The following HEATR6 variants were observed in gnomAD, a reference collection of about 807,000 sequenced individuals.
HEATR6 encodes the protein HEAT repeat-containing protein 6.
In HEATR6, 106 loss-of-function variants were observed where a neutral mutation model predicts 132.8. The ratio of observed to expected loss-of-function variants is 0.80; its 90% CI spans 0.68 to 0.94. HEATR6 has a LOEUF of 0.94. Among genes scored for constraint, HEATR6 ranks in the 40% least tolerant of loss-of-function variants. The pLI is 0.00. For missense variants in HEATR6, 1,339 were observed against 1,425.1 expected, an observed-to-expected ratio of 0.94 and a Z score of 0.97; for synonymous variants, 529 against 537.8, an observed-to-expected ratio of 0.98 and a Z score of 0.23.
chr17:60,062,663 C>T (rs1230395860), intron 9 of HEATR6, among the ~76,000 whole-genome samples: 1 of 152,172 alleles, frequency 6.6e-6, no homozygotes, highest in Non-Finnish European at 1.5e-5. Flanking sequence ...GATCTCACTT[C>T]CAAAGTCAGT....
chr17:60,066,358 C>T lies in HEATR6; in HGVS notation c.1267G>A (p.Ala423Thr). ...ATAGTAGAAAGAAAACAAACTAAGGCTCCTTGGCGAACTTTAGCTTGGTAA... is the reference window on the plus strand; with the variant it reads ...ATAGTAGAAAGAAAACAAACTAAGGTTCCTTGGCGAACTTTAGCTTGGTAA... ...RSYQAKVRQGALVCFLSTIKS... is the reference protein window; with the variant it reads ...RSYQAKVRQGTLVCFLSTIKS... Residue 423 changes from alanine to threonine, a missense_variant, in exon 9 of 20, where the codon GCC (alanine) becomes ACC (threonine). Physicochemically the swap from Ala to Thr is moderately conservative, Grantham distance 58. Transcript: ENST00000184956. The T allele has an allele frequency of 1.2e-6, 2 of 1,611,472 alleles. No homozygotes were observed. Among genetic ancestry groups the T allele is most frequent in the African/African-American group, 2.7e-5 (2 of 74,718 alleles).
chr17:60,060,382 C>T (rs1297742642), intron 9 of HEATR6, among the ~76,000 whole-genome samples: 1 of 152,074 alleles, frequency 6.6e-6, no homozygotes, highest in Non-Finnish European at 1.5e-5. Flanking sequence ...TGGGCTCAAG[C>T]AATCCTCCCA....
intron 15 of HEATR6, among the ~76,000 whole-genome samples, chr17:60,050,140 T>C (rs1906529865): frequency 6.6e-6 from 1 of 152,142 alleles, no homozygotes. Context: ...GATGAGGTCA[T>C]GGGAACAGAG....
chr17:60,055,919 C>A (rs548758688), intron 13 of HEATR6, among the ~76,000 whole-genome samples, 196 bp downstream of exon 13: 3 of 152,214 alleles, frequency 2.0e-5, no homozygotes, highest in Admixed American at 2.0e-4. Context: ...TGAGTCAATG[C>A]GTGGGGTTTA....
Position 60,060,039 on chromosome 17 carries a change from GA to G in HEATR6, c.1473del (p.Leu492PhefsTer19), listed in dbSNP as rs1380855232. 5 of 1,613,910 alleles carry G rather than the reference GA, an allele frequency of 3.1e-6. No homozygotes were observed. The highest frequency in any genetic ancestry group is 4.2e-6 in the Non-Finnish European group (5 of 1,179,938). On this transcript the variant is annotated frameshift_variant, in exon 10 of 20. Transcript: ENST00000184956. The part of the protein sequence containing the change: ...LSAILEGSKQ[F>X]LSVAEDTSDH... ...TCACTGGTATCTTCAGCAACAGAAA[GA>G]AACTGCTTTGAGCCTTCCAAGATGG...
intron 14 of HEATR6, among the ~76,000 whole-genome samples, chr17:60,053,677 T>C (rs974510474): frequency 2.0e-5 from 3 of 152,238 alleles, no homozygotes; most frequent in African/African-American, 7.2e-5. Flanking sequence ...AGGTCACCTT[T>C]GTTACACCTT....
At chr17:60,072,380 G>T in intron 4 of HEATR6, 51 bp from the exon 5 acceptor site, 1 of 1,050,930 alleles carries the variant, frequency 9.5e-7, no homozygotes, top group Non-Finnish European at 1.4e-6. Context: ...TTAAAATGAG[G>T]CTTGCAAAAG....
intron 9 of HEATR6, among the ~76,000 whole-genome samples, chr17:60,061,416 G>A (rs186017336): frequency 4.1e-4 from 62 of 152,282 alleles, no homozygotes; most frequent in Non-Finnish European, 6.8e-4. Flanking sequence ...TTAGGAAACC[G>A]TGTGTATATG....
intron 11 of HEATR6, among the ~76,000 whole-genome samples, chr17:60,059,201 G>A (rs552507719): frequency 6.6e-6 from 1 of 152,228 alleles, no homozygotes; most frequent in South Asian, 2.1e-4. Flanking sequence ...CATTAAACAG[G>A]CAAACTTTAC....
chr17:60,067,830 C>T, intron 7 of HEATR6, 98 bp from the exon 8 acceptor site: 1 of 931,336 alleles, frequency 1.1e-6, no homozygotes, highest in Non-Finnish European at 1.6e-6. Context: ...TAAATATGTC[C>T]CCAACATGTA....
intron 2 of HEATR6, 164 bp from the exon 3 acceptor site, chr17:60,074,050 C>T (rs886375716): frequency 2.7e-5 from 36 of 1,324,506 alleles, no homozygotes; most frequent in Middle Eastern, 2.8e-4. Flanking sequence ...GTTTGATCAA[C>T]GTAGGGGCCT....
Position 60,046,247 on chromosome 17 carries a change from G to C in HEATR6, c.2770-18C>G, listed in dbSNP as rs970930837. The C allele has an allele frequency of 6.4e-7, 1 of 1,569,098 alleles. No homozygotes were observed. Among genetic ancestry groups the C allele is most frequent in the Admixed American group, 1.9e-5 (1 of 53,002 alleles). On this transcript the variant is annotated intron_variant, in intron 18 of 19. Coordinates refer to ENST00000184956, the MANE Select transcript of HEATR6 (RefSeq NM_022070.5). ...CTTTTTACCTAGAAAAAATGTAAATGCTTTAGAAATCTGTTTGGCCAAAGA... is the reference window on the plus strand; with the variant it reads ...CTTTTTACCTAGAAAAAATGTAAATCCTTTAGAAATCTGTTTGGCCAAAGA...
intron 16 of HEATR6, 142 bp downstream of exon 16, chr17:60,049,438 T>C (rs1222585509): frequency 2.1e-6 from 2 of 952,588 alleles, no homozygotes; most frequent in Non-Finnish European, 3.0e-6. Context: ...CCCATGACCA[T>C]ATTTTAGTAG....
At chr17:60,061,969 C>G (rs141402109) in intron 9 of HEATR6, among the ~76,000 whole-genome samples, 168 of 152,292 alleles carry the variant, frequency 1.1e-3, no homozygotes, top group African/African-American at 3.8e-3. Flanking sequence ...AATTTTAGCA[C>G]AATTTTGGCA....
At chr17:60,060,831 A>T (rs1568626185) in intron 9 of HEATR6, among the ~76,000 whole-genome samples, 1 of 152,222 alleles carries the variant, frequency 6.6e-6, no homozygotes, top group Non-Finnish European at 1.5e-5. Context: ...GTATTTGACA[A>T]TTCAAAAAAG....
intron 10 of HEATR6, 65 bp from the exon 11 acceptor site, chr17:60,059,586 C>A: frequency 8.9e-7 from 1 of 1,127,544 alleles, no homozygotes; most frequent in Non-Finnish European, 1.3e-6. Flanking sequence ...ACAAATTTTG[C>A]AGCATTTAAT....
chr17:60,053,828 G>A (rs1053901061), intron 14 of HEATR6, among the ~76,000 whole-genome samples: 1 of 152,114 alleles, frequency 6.6e-6, no homozygotes, highest in African/African-American at 2.4e-5. Flanking sequence ...ACCTATAGTC[G>A]GATGTAGGAG....
chr17:60,056,375 C>A, intron 12 of HEATR6, 138 bp from the exon 13 acceptor site: 1 of 724,844 alleles, frequency 1.4e-6, no homozygotes, highest in Non-Finnish European at 2.1e-6. Context: ...GAACCATAAT[C>A]TTTATTTTGT....
intron 9 of HEATR6, among the ~76,000 whole-genome samples, chr17:60,061,352 G>A (rs1244485570): frequency 6.6e-6 from 1 of 152,160 alleles, no homozygotes; most frequent in Non-Finnish European, 1.5e-5. Context: ...AAGTACAGTA[G>A]CATCAGACTT....
Sources: gnomAD v4.1 joint callset for allele counts (sites outside exome capture counted in the v4.1 genomes callset) on GRCh38, gnomAD v4.1.1 for gene constraint, MANE v1.5 for transcripts, NCBI Gene and HGNC (gene_info 2026-07-23, HGNC 2026-07-21) for gene names.